Variants in TTLL5 observed in about 807,000 individuals in gnomAD.
The protein encoded by TTLL5 is tubulin tyrosine ligase like 5.
Under a neutral mutation model 168.4 loss-of-function variants are expected in TTLL5, and 132 were observed. The ratio of observed to expected loss-of-function variants is 0.78; its 90% CI spans 0.68 to 0.91. The LOEUF (loss-of-function observed/expected upper bound fraction) is 0.91. Among genes scored for constraint, TTLL5 ranks in the 40% least tolerant of loss-of-function variants. The pLI is 0.00. For missense variants in TTLL5, 1,545 were observed against 1,581.5 expected (o/e 0.98, Z 0.39); for synonymous variants, 546 against 558.6 (o/e 0.98, Z 0.32).
chr14:75,689,171 G>A, intron 5 of TTLL5, among the ~76,000 whole-genome samples: 1 of 152,200 alleles, frequency 6.6e-6, no homozygotes, highest in East Asian at 1.9e-4. Flanking sequence ...GTTCATGTGG[G>A]GAGGAACTGA....
intron 29 of TTLL5, 46 bp downstream of exon 29, chr14:75,863,908 TG>T: frequency 4.3e-5 from 4 of 92,034 alleles, no homozygotes; most frequent in Non-Finnish European, 5.9e-5. Context: ...TTCCTGCTGT[TG>T]GTAAAAAAAA....
chr14:75,909,669 G>A (rs1224619887), intron 31 of TTLL5, among the ~76,000 whole-genome samples: 1 of 152,156 alleles, frequency 6.6e-6, no homozygotes, highest in Non-Finnish European at 1.5e-5. Context: ...TTTAACTTGC[G>A]ATACAAGGAA....
At chr14:75,767,959 A>G (rs1258583352) in intron 20 of TTLL5, among the ~76,000 whole-genome samples, 1 of 152,180 alleles carries the variant, frequency 6.6e-6, no homozygotes, top group Non-Finnish European at 1.5e-5. Context: ...AATATAAGGA[A>G]CATAGGAGTT....
chr14:75,856,155 G>A (rs1046044425), intron 28 of TTLL5, among the ~76,000 whole-genome samples: 1 of 152,220 alleles, frequency 6.6e-6, no homozygotes. Flanking sequence ...CTGAGGTCGG[G>A]AGTTCAAGAC....
intron 27 of TTLL5, among the ~76,000 whole-genome samples, chr14:75,818,325 T>G (rs1894593296): frequency 1.3e-5 from 2 of 152,130 alleles, no homozygotes; most frequent in Non-Finnish European, 2.9e-5. Context: ...TAGTCTGGAT[T>G]TTTACTTCTA....
chr14:75,776,995 C>G lies in TTLL5; in HGVS notation c.2387+145C>G, dbSNP rs1891755469. The stretch of plus-strand genomic sequence containing the variant: ...GGCACAGTGGCACACCCCTTTAGTT[C>G]TAGTTACTTGGGAGCCTGAGGCAGG... On this transcript the variant is annotated intron_variant, in intron 23 of 31. Coordinates refer to ENST00000298832, the MANE Select transcript of TTLL5 (RefSeq NM_015072.5). The G allele has an allele frequency of 7.7e-6, 5 of 651,358 alleles. No homozygotes were observed. In the South Asian group the frequency reaches 9.5e-5, roughly 12 times the overall value. The allele number at this position is 651,358 out of a possible 1,614,324, so 40.3% of individuals were successfully genotyped here.
intron 30 of TTLL5, among the ~76,000 whole-genome samples, chr14:75,889,854 A>C (rs1030307766): frequency 3.9e-5 from 5 of 129,770 alleles, no homozygotes; most frequent in African/African-American, 1.4e-4. Context: ...AGAGGAAGGA[A>C]GGAAGGGAAG....
Position 75,707,024 on chromosome 14 carries a change from CAGATCTCCCTGGA to C in TTLL5, c.596_608del (p.Ile199ArgfsTer15). 1 of 1,608,886 alleles carries C rather than the reference CAGATCTCCCTGGA, an allele frequency of 6.2e-7. No individual in the cohort carries two copies. On this transcript the variant is annotated frameshift_variant, in exon 8 of 32. Coordinates refer to ENST00000298832, the MANE Select transcript of TTLL5 (RefSeq NM_015072.5). LOFTEE classifies it high-confidence loss of function. ...CTTTCTCTTTACTCAATAGCCAAAC[CAGATCTCCCTGGA>C]AGAGAACATTTTGGTCTCCCGTTAC...
chr14:75,762,271 T>G (rs1289051289), intron 18 of TTLL5, among the ~76,000 whole-genome samples: 1 of 152,092 alleles, frequency 6.6e-6, no homozygotes, highest in Admixed American at 6.5e-5. Flanking sequence ...GGCACATGCC[T>G]GTAGTCTCAG....
At chr14:75,904,639 CAAGAAG>C (rs200646264) in intron 31 of TTLL5, among the ~76,000 whole-genome samples, 1 of 152,062 alleles carries the variant, frequency 6.6e-6, no homozygotes, top group African/African-American at 2.4e-5. Context: ...AACCACAGAG[CAAGAAG>C]AAGAAGTTGT....
intron 2 of TTLL5, among the ~76,000 whole-genome samples, chr14:75,664,595 T>G (rs1296622325): frequency 6.6e-6 from 1 of 152,244 alleles, no homozygotes; most frequent in African/African-American, 2.4e-5. Flanking sequence ...ACTTGTAATT[T>G]GAAAAAAATT....
rs577379721 is a variant in TTLL5 at position 75,863,836 on chromosome 14, C to A, written c.3496C>A (p.Leu1166Met). 1.1e-5 allele frequency: 17 copies of A among 1,582,986 alleles called. No homozygotes were observed. The African/African-American group carries it at 2.1e-4, about 20-fold the overall frequency. ...EQQKLQSRQL[L>M]DQSRARHQAI... ...ACAAAAACTTCAGTCCCGGCAGCTC[C>A]TGGACCAGAGTCGAGCCCGGCACCA... The change falls in exon 29 of 32, where the codon CTG becomes ATG. Residue 1166 changes from leucine to methionine, a missense_variant. Leu to Met is a conservative substitution (Grantham distance 15). Coordinates refer to ENST00000298832, the MANE Select transcript of TTLL5 (RefSeq NM_015072.5).
At chr14:75,731,324 G>C (rs1888518888) in intron 12 of TTLL5, among the ~76,000 whole-genome samples, 1 of 149,278 alleles carries the variant, frequency 6.7e-6, no homozygotes, top group African/African-American at 2.5e-5. Flanking sequence ...GGGATGTTTA[G>C]GAGTGATGTT....
intron 29 of TTLL5, among the ~76,000 whole-genome samples, chr14:75,871,452 C>A (rs573018938): frequency 2.6e-5 from 4 of 152,294 alleles, no homozygotes; most frequent in East Asian, 3.9e-4. Context: ...CGTCCTCCCC[C>A]ACGACAGAAT....
intron 23 of TTLL5, 90 bp downstream of exon 23, chr14:75,776,940 T>C (rs1891752586): frequency 2.9e-6 from 3 of 1,030,380 alleles, no homozygotes; most frequent in Non-Finnish European, 4.3e-6. Context: ...TTCTGATACA[T>C]GGATGTGAAT....
At chr14:75,732,152 C>A in intron 12 of TTLL5, 186 bp from the exon 13 acceptor site, 1 of 549,958 alleles carries the variant, frequency 1.8e-6, no homozygotes, top group Non-Finnish European at 3.2e-6. Context: ...TTTCTTATTC[C>A]TAGAACTTGA....
intron 31 of TTLL5, among the ~76,000 whole-genome samples, chr14:75,917,797 GA>G (rs1476417591): frequency 6.6e-6 from 1 of 152,206 alleles, no homozygotes; most frequent in Non-Finnish European, 1.5e-5. Context: ...GAGCTGAAGT[GA>G]GGAGGTAGGA....
chr14:75,818,473 A>G (rs577285879), intron 27 of TTLL5: 31 of 399,258 alleles, frequency 7.8e-5, no homozygotes, highest in African/African-American at 6.3e-4. Flanking sequence ...TTCCTATATC[A>G]TTATTTTTCT....
intron 28 of TTLL5, among the ~76,000 whole-genome samples, chr14:75,856,079 T>C (rs985287553): frequency 3.3e-5 from 5 of 152,210 alleles, no homozygotes; most frequent in Admixed American, 2.6e-4. Flanking sequence ...ATACAAAATA[T>C]TGACCAGGTG....
Sources: gnomAD v4.1 joint callset for allele counts (sites outside exome capture counted in the v4.1 genomes callset) on GRCh38, gnomAD v4.1.1 for gene constraint, MANE v1.5 for transcripts, NCBI Gene and HGNC (gene_info 2026-07-23, HGNC 2026-07-21) for gene names.